Variants in KCNQ4 observed in about 807,000 individuals in gnomAD.
KCNQ4 encodes potassium voltage-gated channel subfamily Q member 4, also known as potassium voltage-gated channel subfamily KQT member 4.
A neutral mutation model predicts 72.6 loss-of-function variants in KCNQ4; 31 were observed. That is an observed-to-expected ratio of 0.43 (90% CI 0.32 to 0.58). The LOEUF (loss-of-function observed/expected upper bound fraction) is 0.58, where lower values mean the gene tolerates loss of function less well. Ranked by LOEUF, KCNQ4 falls within the 20% of genes least tolerant of loss-of-function variation. KCNQ4 has a pLI of 0.08. For synonymous variants in KCNQ4, 405 were observed against 403.7 expected, an observed-to-expected ratio of 1.00 and a Z score of -0.04; for missense variants, 869 against 962.6, an observed-to-expected ratio of 0.90 and a Z score of 1.29.
intron 12 of KCNQ4, among the ~76,000 whole-genome samples, chr1:40,836,914 G>A (rs547481282): frequency 1.3e-5 from 2 of 152,182 alleles, no homozygotes; most frequent in Non-Finnish European, 2.9e-5. Context: ...AAAGGAATTG[G>A]AGGTAGAGGA....
In KCNQ4 at chr1:40,794,743, TA is replaced by T. The variant is rs1197859850; in HGVS notation, c.314+10341del. On this transcript the variant is annotated intron_variant, in intron 1 of 13. Transcript: ENST00000347132. This position sits in a 1 kb window ranked among gnomAD's most constrained non-coding sequence, Gnocchi z 4.2. ...AAAAAAATGTCCTTGCTTGGCAAAA[TA>T]AAAAGTTGACAACCTTATGCAGTCC... Among the ~76,000 whole-genome samples the T allele has an allele frequency of 1.3e-5, 2 of 152,128 alleles. No individual in the cohort carries two copies. The highest frequency in any genetic ancestry group is 2.1e-4 in the South Asian group (1 of 4,826).
intron 1 of KCNQ4, among the ~76,000 whole-genome samples, chr1:40,795,745 G>A (rs1000095328): frequency 1.3e-5 from 2 of 151,896 alleles, no homozygotes; most frequent in African/African-American, 4.8e-5. Context: ...AGCAATTCCT[G>A]TCCTCAGGCT....
At chr1:40,824,421 G>T (rs1214407032) in intron 9 of KCNQ4, among the ~76,000 whole-genome samples, 163 bp downstream of exon 9, 1 of 152,242 alleles carries the variant, frequency 6.6e-6, no homozygotes, top group African/African-American at 2.4e-5. Context: ...CAGACTGAGG[G>T]CCTCTCTGGA....
In KCNQ4 at chr1:40,784,249, G is replaced by T; in HGVS notation, c.156G>T (p.Leu52=). 7.3e-7 allele frequency: 1 copy of T among 1,375,612 alleles called. No individual in the cohort carries two copies. 85.2% of individuals were successfully genotyped at this position (1,375,612 alleles called of 1,614,324 possible). The change falls in exon 1 of 14, where the codon CTG becomes CTT. Residue 52 remains leucine, a synonymous_variant. Coordinates refer to ENST00000347132, the MANE Select transcript of KCNQ4 (RefSeq NM_004700.4). This position sits in a 1 kb window ranked among gnomAD's most constrained non-coding sequence, Gnocchi z 4.1. ...PRRLGLLGSP[L]PPGAPLPGPG... ...GCCTCGGCCTCCTGGGCAGCCCCCT[G>T]CCGCCGGGCGCGCCCCTCCCTGGGC...
intron 9 of KCNQ4, chr1:40,826,836 G>A (rs1280442983): frequency 8.5e-6 from 3 of 353,512 alleles, no homozygotes; most frequent in African/African-American, 2.1e-5. Context: ...TGAACCCCTC[G>A]CCTTTCTGGG....
At chr1:40,821,057 A>G (rs1222557581) in intron 7 of KCNQ4, among the ~76,000 whole-genome samples, 1 of 151,894 alleles carries the variant, frequency 6.6e-6, no homozygotes, top group Non-Finnish European at 1.5e-5. Context: ...CCAGGGTAGA[A>G]CCCTCCTCCC....
chr1:40,826,081 T>C (rs1648467740), intron 9 of KCNQ4, among the ~76,000 whole-genome samples: 1 of 152,080 alleles, frequency 6.6e-6, no homozygotes, highest in Non-Finnish European at 1.5e-5. Flanking sequence ...TCAGGCCCAA[T>C]GGCCGTATCG....
chr1:40,800,832 G>A (rs1647550191), intron 1 of KCNQ4, among the ~76,000 whole-genome samples: 1 of 152,194 alleles, frequency 6.6e-6, no homozygotes, highest in South Asian at 2.1e-4. Flanking sequence ...GCCCACAGGG[G>A]CCCTGGAATC....
intron 1 of KCNQ4, among the ~76,000 whole-genome samples, chr1:40,797,836 G>A (rs369104642): frequency 2.0e-5 from 3 of 152,124 alleles, no homozygotes; most frequent in Non-Finnish European, 4.4e-5. Flanking sequence ...CTCTGGCTTG[G>A]GGGGAGATGT....
chr1:40,824,122 G>A lies in KCNQ4; in HGVS notation c.1156G>A (p.Val386Met), dbSNP rs1301376340. ...AGAGCTGGCCCTCTTGTTTGAGCAC[G>A]TGCAACGGGCCCGCAATGGGGGCCT... ...FRELALLFEH[V>M]QRARNGGLRP... The change falls in exon 9 of 14, where the codon GTG becomes ATG. Residue 386 changes from valine to methionine, a missense_variant. Around this residue, in one of 5 missense-constraint regions of KCNQ4, gnomAD observed 480 missense variants for 501.9 expected, o/e 0.96. Transcript: ENST00000347132. 20 of 1,557,612 alleles carry A rather than the reference G, an allele frequency of 1.3e-5. No homozygotes were observed. The highest frequency in any genetic ancestry group is 2.7e-5 in the African/African-American group (2 of 73,404).
chr1:40,793,954 T>C (rs1398391652), intron 1 of KCNQ4, among the ~76,000 whole-genome samples: 1 of 152,174 alleles, frequency 6.6e-6, no homozygotes, highest in Non-Finnish European at 1.5e-5. Context: ...CTATGAGAAC[T>C]GGGTGTGTGG....
chr1:40,802,542 C>T (rs1296032485), intron 1 of KCNQ4, among the ~76,000 whole-genome samples: 1 of 151,896 alleles, frequency 6.6e-6, no homozygotes, highest in East Asian at 1.9e-4. Context: ...CCCGGCATGC[C>T]CCGCCCATTT....
At chr1:40,820,091 T>A in intron 6 of KCNQ4, 74 bp from the exon 7 acceptor site, 1 of 1,529,498 alleles carries the variant, frequency 6.5e-7, no homozygotes, top group Non-Finnish European at 9.0e-7. Context: ...GGGGCAAGGA[T>A]GGGGACACCC....
At chr1:40,787,576 TG>T (rs1352332324) in intron 1 of KCNQ4, among the ~76,000 whole-genome samples, 1 of 152,172 alleles carries the variant, frequency 6.6e-6, no homozygotes, top group African/African-American at 2.4e-5. Flanking sequence ...CTGCAAGCTC[TG>T]GGAAGAGAGG....
intron 1 of KCNQ4, among the ~76,000 whole-genome samples, chr1:40,793,128 A>G (rs1168982137): frequency 6.8e-6 from 1 of 146,206 alleles, no homozygotes; most frequent in Non-Finnish European, 1.5e-5. Flanking sequence ...TCACCCTCCT[A>G]AGGAGCTGGG....
At position 40,794,963 on chromosome 1, in the gene KCNQ4, G is replaced by GGCAAA. The variant is rs199583646; in HGVS notation, c.314+10557_314+10558insCAAAG. Reference sequence around the variant, plus strand: ...AACCCAAGGCTCTTTCCTAAGATTGGGTTGGGCGGGTGGGGGGGTGGGGGG... The same window carrying GGCAAA: ...AACCCAAGGCTCTTTCCTAAGATTGGGCAAAGTTGGGCGGGTGGGGGGGTGGGGGG... On this transcript the variant is annotated intron_variant, in intron 1 of 13. Coordinates refer to ENST00000347132, the MANE Select transcript of KCNQ4 (RefSeq NM_004700.4). This position sits in a 1 kb window ranked among gnomAD's most constrained non-coding sequence, Gnocchi z 4.2. 4.5e-3 allele frequency among the ~76,000 whole-genome samples: 653 copies of GGCAAA among 146,156 alleles called. 6 individuals carry two copies. The highest frequency in any genetic ancestry group is 0.015 in the African/African-American group (605 of 39,298).
At chr1:40,813,073 T>G (rs1024712814) in intron 1 of KCNQ4, among the ~76,000 whole-genome samples, 2 of 152,090 alleles carry the variant, frequency 1.3e-5, no homozygotes, top group South Asian at 2.1e-4. Context: ...TTAGGTGTGT[T>G]CCAGGACTGG....
intron 6 of KCNQ4, 38 bp downstream of exon 6, chr1:40,820,023 G>A: frequency 6.3e-7 from 1 of 1,579,906 alleles, no homozygotes; most frequent in East Asian, 2.2e-5. Flanking sequence ...GGGAGGCTGA[G>A]GGTGGGACCT....
At chr1:40,819,314 G>T in intron 4 of KCNQ4, 33 bp from the exon 5 acceptor site, 2 of 1,612,948 alleles carry the variant, frequency 1.2e-6, no homozygotes, top group Non-Finnish European at 1.7e-6. Flanking sequence ...CAGGCACAGC[G>T]CTCCTCACCG....
Sources: gnomAD v4.1 joint callset for allele counts (sites outside exome capture counted in the v4.1 genomes callset) on GRCh38, gnomAD v4.1.1 for gene constraint, gnomAD v4.1.1 regional missense constraint, Gnocchi (gnomAD v3.1) non-coding constraint, MANE v1.5 for transcripts, NCBI Gene and HGNC (gene_info 2026-07-23, HGNC 2026-07-21) for gene names.